SOBP: variants seen among roughly 807,000 people sequenced by gnomAD.
The protein encoded by SOBP is sine oculis binding protein homolog.
SOBP carries 4 observed loss-of-function variants against 53.6 expected under a neutral mutation model. The ratio of observed to expected loss-of-function variants is 0.07; its 90% CI spans 0.04 to 0.17. The LOEUF (loss-of-function observed/expected upper bound fraction) is 0.17. SOBP is among the 10% of genes least tolerant of loss of function. The pLI is 1.00. For synonymous variants in SOBP, 584 were observed against 522.6 expected (o/e 1.12, Z -1.60); for missense variants, 1,088 against 1,204.7 (o/e 0.90, Z 1.43).
At chr6:107,492,049 CTTAG>C (rs1010608316) in intron 1 of SOBP, among the ~76,000 whole-genome samples, 1 of 152,138 alleles carries the variant, frequency 6.6e-6, no homozygotes, top group African/African-American at 2.4e-5. Context: ...GGATAAGGAA[CTTAG>C]TACCTGGAAG....
At chr6:107,622,876 G>A (rs887434983) in intron 5 of SOBP, among the ~76,000 whole-genome samples, 9 of 152,294 alleles carry the variant, frequency 5.9e-5, no homozygotes, top group African/African-American at 1.9e-4. Flanking sequence ...CAAGATATGG[G>A]ATAATTTATC....
Position 107,490,701 on chromosome 6 carries a change from G to A in SOBP, c.85G>A (p.Glu29Lys), listed in dbSNP as rs2114927033. ...PAHPVKREIN[E>K]EMKNFAENTM... ...TCACCCAGTGAAAAGGGAGATCAATGAGGAGATGAAGGTATTTTTTGATCT... is the reference window on the plus strand; with the variant it reads ...TCACCCAGTGAAAAGGGAGATCAATAAGGAGATGAAGGTATTTTTTGATCT... Residue 29 changes from glutamate to lysine, a missense_variant, in exon 1 of 7, where the codon GAG (glutamate) becomes AAG (lysine). By Grantham distance (56) the Glu-to-Lys change is moderately conservative (BLOSUM62 1). Coordinates refer to ENST00000317357, the MANE Select transcript of SOBP (RefSeq NM_018013.4). 6.2e-7 allele frequency: 1 copy of A among 1,603,940 alleles called. No individual in the cohort carries two copies. The highest frequency in any genetic ancestry group is 1.7e-5 in the Admixed American group (1 of 58,906).
intron 5 of SOBP, among the ~76,000 whole-genome samples, chr6:107,604,156 TC>T (rs1290156908): frequency 1.3e-5 from 2 of 152,226 alleles, no homozygotes; most frequent in African/African-American, 2.4e-5. Flanking sequence ...CATATTTAAT[TC>T]CCATTGTGTG....
rs531062967 is a variant in SOBP, at chr6:107,548,011, A to G, written c.573+14401A>G. 3.8e-4 allele frequency among the ~76,000 whole-genome samples: 58 copies of G among 152,314 alleles called. 1 individual carries two copies. The highest frequency in any genetic ancestry group is 3.9e-4 in the East Asian group (2 of 5,186). The stretch of plus-strand genomic sequence containing the variant: ...GGTAGACTTACAACCCAGTCCCATG[A>G]TTTAGTTTGATGACTTTTTACTTCT... On this transcript the variant is annotated intron_variant, in intron 4 of 6. Coordinates refer to ENST00000317357, the MANE Select transcript of SOBP (RefSeq NM_018013.4).
chr6:107,635,234 C>CG lies in SOBP; in HGVS notation c.2396dup (p.Asp800ArgfsTer8), dbSNP rs751989931. On this transcript the variant is annotated frameshift_variant, in exon 6 of 7. Transcript: ENST00000317357. LOFTEE classifies it high-confidence loss of function. The surrounding 1 kb of genome is among the most constrained non-coding windows in gnomAD (Gnocchi z 4.5). Reference sequence around the variant, plus strand: ...AAGCTGATGGGCGAGGAGGCCCTGGCGGGGGGCGACAAGTCAGACCCGAAC... The same window carrying CG: ...AAGCTGATGGGCGAGGAGGCCCTGGCGGGGGGGCGACAAGTCAGACCCGAAC... The CG allele has an allele frequency of 1.9e-6, 3 of 1,613,780 alleles. No homozygotes were observed.
intron 3 of SOBP, among the ~76,000 whole-genome samples, chr6:107,516,592 A>G (rs1051225161): frequency 6.6e-6 from 1 of 152,216 alleles, no homozygotes; most frequent in Non-Finnish European, 1.5e-5. Context: ...AAGATTTGTA[A>G]GACAGAAATG....
Position 107,634,256 on chromosome 6 carries a change from A to G in SOBP, c.1412A>G (p.Asn471Ser), listed in dbSNP as rs2115145123. 6 of 1,558,780 alleles carry G rather than the reference A, an allele frequency of 3.8e-6. No individual in the cohort carries two copies. Among genetic ancestry groups the G allele is most frequent in the Non-Finnish European group, 5.2e-6 (6 of 1,156,940 alleles). Residue 471 changes from asparagine to serine, a missense_variant, in exon 6 of 7, where the codon AAC becomes AGC. Asn to Ser is a conservative substitution (Grantham distance 46). Coordinates refer to ENST00000317357, the MANE Select transcript of SOBP (RefSeq NM_018013.4). The surrounding 1 kb of genome is among the most constrained non-coding windows in gnomAD (Gnocchi z 4.5). ...HPPSTPTMPG[N>S]PPGLLPPPPP... ...CCGAGCACCCCCACCATGCCCGGGA[A>G]CCCCCCAGGCCTGCTGCCCCCGCCG...
intron 4 of SOBP, among the ~76,000 whole-genome samples, chr6:107,582,062 A>G (rs1299560378): frequency 1.3e-5 from 2 of 152,232 alleles, no homozygotes; most frequent in African/African-American, 4.8e-5. Flanking sequence ...GTAAACTCCC[A>G]TTCATCACAG....
chr6:107,624,616 A>C (rs1770375148), intron 5 of SOBP, among the ~76,000 whole-genome samples: 1 of 152,214 alleles, frequency 6.6e-6, no homozygotes, highest in Admixed American at 6.5e-5. Context: ...ATTATATTGC[A>C]TAGAGACCTG....
chr6:107,533,708 T>C lies in SOBP; in HGVS notation c.573+98T>C. The C allele has an allele frequency of 2.8e-6, 4 of 1,451,540 alleles. No homozygotes were observed. In the East Asian group the frequency reaches 9.2e-5, roughly 33 times the overall value. The allele number at this position is 1,451,540 out of a possible 1,614,324, so 89.9% of individuals were successfully genotyped here. ...CTAGCGGAAAACACTGCGCACCTTT[T>C]ACTTTTATATTTTTATTCTCTCTGT... On this transcript the variant is annotated intron_variant, in intron 4 of 6. Transcript: ENST00000317357.
In SOBP at chr6:107,598,771, G is replaced by A. The variant is rs541006705; in HGVS notation, c.669+11596G>A. Among the ~76,000 whole-genome samples the A allele has an allele frequency of 2.0e-5, 3 of 152,256 alleles. No homozygotes were observed. In the East Asian group the frequency reaches 5.8e-4, roughly 29 times the overall value. Reference sequence around the variant, plus strand: ...TTCTAACAGCTGGAAAGGCAAGAAAGTGACTCTGCAAATGACTGTCCAAAA... The same window carrying A: ...TTCTAACAGCTGGAAAGGCAAGAAAATGACTCTGCAAATGACTGTCCAAAA... On this transcript the variant is annotated intron_variant, in intron 5 of 6. Coordinates refer to ENST00000317357, the MANE Select transcript of SOBP (RefSeq NM_018013.4).
chr6:107,552,567 G>A (rs985290189), intron 4 of SOBP, among the ~76,000 whole-genome samples: 5 of 152,138 alleles, frequency 3.3e-5, no homozygotes, highest in Non-Finnish European at 7.3e-5. Flanking sequence ...GGAGTTGAAT[G>A]GAGGGATAGA....
At chr6:107,601,355 G>A (rs967403588) in intron 5 of SOBP, among the ~76,000 whole-genome samples, 5 of 152,116 alleles carry the variant, frequency 3.3e-5, no homozygotes, top group African/African-American at 1.2e-4. Context: ...AGTAGGGCCT[G>A]GAAAGAATTT....
At chr6:107,564,380 C>G (rs1040796596) in intron 4 of SOBP, among the ~76,000 whole-genome samples, 2 of 152,212 alleles carry the variant, frequency 1.3e-5, no homozygotes, top group Non-Finnish European at 2.9e-5. Flanking sequence ...CAGGAGGTCA[C>G]TGAGCCCAGA....
intron 3 of SOBP, among the ~76,000 whole-genome samples, chr6:107,510,307 A>C (rs1562580541): frequency 6.6e-6 from 1 of 152,200 alleles, no homozygotes; most frequent in Non-Finnish European, 1.5e-5. Context: ...CCACAGTCTC[A>C]TGATAACAGG....
In SOBP at chr6:107,503,799, A is replaced by G; in HGVS notation, c.235+4A>G. On this transcript the variant is annotated splice_donor_region_variant and intron_variant, in intron 2 of 6. Coordinates refer to ENST00000317357, the MANE Select transcript of SOBP (RefSeq NM_018013.4). ...CAGCACATTTCTGTTCTCAAAGGTA[A>G]TGACATTTAATGTCCTTTTGTTCAT... 1.2e-6 allele frequency: 2 copies of G among 1,613,866 alleles called. No individual in the cohort carries two copies. The highest frequency in any genetic ancestry group is 2.2e-5 in the East Asian group (1 of 44,880).
chr6:107,574,587 G>A lies in SOBP; in HGVS notation c.574-12493G>A, dbSNP rs528831716. On this transcript the variant is annotated intron_variant, in intron 4 of 6. Transcript: ENST00000317357. ...CTGGTGAGAAGTCTGTCAGCTTCAG[G>A]GATGTCTCCTTCCCCATCTCTACGC... is the stretch of plus-strand genomic sequence containing the variant. 1.2e-4 allele frequency among the ~76,000 whole-genome samples: 18 copies of A among 152,218 alleles called. No homozygotes were observed. The South Asian group carries it at 3.1e-3, about 26-fold the overall frequency.
At chr6:107,564,697 C>T (rs1784868120) in intron 4 of SOBP, among the ~76,000 whole-genome samples, 1 of 151,454 alleles carries the variant, frequency 6.6e-6, no homozygotes, top group African/African-American at 2.4e-5. Flanking sequence ...TCCCAGCTCT[C>T]AGAGCTCTAT....
intron 1 of SOBP, among the ~76,000 whole-genome samples, chr6:107,502,230 G>T (rs1199389186): frequency 6.6e-6 from 1 of 152,152 alleles, no homozygotes; most frequent in Non-Finnish European, 1.5e-5. Flanking sequence ...CTTAGCCTTG[G>T]TGCTTTGTTT....
Sources: allele counts gnomAD v4.1 joint callset (sites outside exome capture counted in the v4.1 genomes callset), GRCh38; gene constraint gnomAD v4.1.1; non-coding constraint Gnocchi (gnomAD v3.1); transcripts MANE v1.5; gene names NCBI Gene and HGNC (gene_info 2026-07-23, HGNC 2026-07-21).